Variants in KIFAP3 observed in about 807,000 individuals in gnomAD.
KIFAP3 encodes kinesin associated protein 3.
A neutral mutation model predicts 106.5 loss-of-function variants in KIFAP3; 68 were observed. The observed-to-expected ratio is 0.64, with a 90% CI of 0.53 to 0.78. KIFAP3 has a LOEUF of 0.78. KIFAP3 is among the 30% of genes least tolerant of loss of function. The pLI is 0.00. For missense variants in KIFAP3, 780 were observed against 941.8 expected, an observed-to-expected ratio of 0.83 and a Z score of 2.25; for synonymous variants, 320 against 311.5, an observed-to-expected ratio of 1.03 and a Z score of -0.29.
chr1:169,949,061 C>A (rs1480770119), intron 19 of KIFAP3, among the ~76,000 whole-genome samples: 1 of 151,290 alleles, frequency 6.6e-6, no homozygotes, highest in East Asian at 1.9e-4. Flanking sequence ...AAGATTATTT[C>A]TTATATTTTA....
chr1:170,043,812 G>T (rs2102076641), intron 3 of KIFAP3, among the ~76,000 whole-genome samples: 1 of 152,226 alleles, frequency 6.6e-6, no homozygotes, highest in East Asian at 1.9e-4. Context: ...GAAATTGAAT[G>T]AATAAAATGG....
chr1:170,024,688 G>C (rs550985730), intron 8 of KIFAP3, 92 bp from the exon 9 acceptor site: 2 of 693,658 alleles, frequency 2.9e-6, no homozygotes, highest in Non-Finnish European at 4.4e-6. Flanking sequence ...AACAGAGATA[G>C]CCCTAAAAAG....
chr1:170,039,162 G>T (rs933038460), intron 4 of KIFAP3, 71 bp downstream of exon 4: 1 of 812,832 alleles, frequency 1.2e-6, no homozygotes, highest in Non-Finnish European at 2.0e-6. Flanking sequence ...GTGATTGTGT[G>T]TATTATTGAT....
chr1:169,992,889 T>G (rs1351154792), intron 10 of KIFAP3, among the ~76,000 whole-genome samples: 1 of 152,106 alleles, frequency 6.6e-6, no homozygotes, highest in Non-Finnish European at 1.5e-5. Flanking sequence ...AATATATTAT[T>G]TAATCCTACC....
chr1:169,937,775 G>A (rs527863060), intron 19 of KIFAP3, among the ~76,000 whole-genome samples: 9 of 151,744 alleles, frequency 5.9e-5, no homozygotes, highest in East Asian at 3.9e-4. Flanking sequence ...AGATACAGCA[G>A]TAAAAATTCT....
At chr1:170,031,838 T>C (rs1341068645) in intron 8 of KIFAP3, 48 bp downstream of exon 8, 4 of 1,161,828 alleles carry the variant, frequency 3.4e-6, no homozygotes, top group East Asian at 4.7e-5. Context: ...AACAAATGTA[T>C]TTGGAGTAAG....
At chr1:169,988,455 G>C (rs1258122711) in intron 11 of KIFAP3, among the ~76,000 whole-genome samples, 2 of 151,660 alleles carry the variant, frequency 1.3e-5, no homozygotes, top group Non-Finnish European at 2.9e-5. Flanking sequence ...CAATACATGA[G>C]GATTTTTACC....
upstream of KIFAP3, chr1:170,074,780 C>G: frequency 8.2e-7 from 1 of 1,220,494 alleles, no homozygotes; most frequent in Non-Finnish European, 1.0e-6. Flanking sequence ...CAGAGTTTGA[C>G]GCACCGGGGA....
chr1:169,997,469 G>T (rs906025130), intron 10 of KIFAP3, among the ~76,000 whole-genome samples: 5 of 152,066 alleles, frequency 3.3e-5, no homozygotes, highest in Non-Finnish European at 7.4e-5. Flanking sequence ...AGTAAAGTAA[G>T]TTGGAGAGGC....
intron 11 of KIFAP3, among the ~76,000 whole-genome samples, chr1:169,989,453 C>T (rs573010080): frequency 9.2e-5 from 14 of 152,068 alleles, no homozygotes; most frequent in Non-Finnish European, 1.8e-4. Flanking sequence ...GAAGTTCTGA[C>T]TCTAAATGGA....
rs148586938 is a variant in KIFAP3 at position 169,999,409 on chromosome 1, C to G, written c.1184-7154G>C. On this transcript the variant is annotated intron_variant, in intron 10 of 19. Transcript: ENST00000361580. The stretch of plus-strand genomic sequence containing the variant: ...GACATCAATTATTCCCTAACGGCAT[C>G]CCAAGTAAAAACAGGCTGCCAACAG... Among the ~76,000 whole-genome samples the G allele has an allele frequency of 2.0e-5, 3 of 152,250 alleles. No individual in the cohort carries two copies. In the East Asian group the frequency reaches 5.8e-4, roughly 29 times the overall value.
chr1:170,044,604 A>T (rs1670148206), intron 3 of KIFAP3, among the ~76,000 whole-genome samples: 1 of 152,192 alleles, frequency 6.6e-6, no homozygotes, highest in South Asian at 2.1e-4. Flanking sequence ...GAAACAGTCT[A>T]ATTGGGGTCA....
At chr1:170,015,638 G>C (rs952919527) in intron 10 of KIFAP3, among the ~76,000 whole-genome samples, 2 of 152,128 alleles carry the variant, frequency 1.3e-5, no homozygotes, top group African/African-American at 4.8e-5. Context: ...GAAAAAAGCA[G>C]GTAAAACAGG....
At chr1:169,945,398 G>A (rs139453964) in intron 19 of KIFAP3, among the ~76,000 whole-genome samples, 3,872 of 152,236 alleles carry the variant, frequency 0.025, 98 homozygotes, top group South Asian at 0.092. Context: ...GGAGTGTGGG[G>A]CTCCTGGCCT....
At chr1:170,032,738 T>C (rs1669481182) in intron 7 of KIFAP3, among the ~76,000 whole-genome samples, 1 of 151,722 alleles carries the variant, frequency 6.6e-6, no homozygotes, top group Non-Finnish European at 1.5e-5. Flanking sequence ...TCTGATGTCA[T>C]TTTTATATCC....
At chr1:169,948,673 G>A (rs77225638) in intron 19 of KIFAP3, among the ~76,000 whole-genome samples, 4,533 of 151,840 alleles carry the variant, frequency 0.03, 108 homozygotes, top group Non-Finnish European at 0.049. Context: ...AATGAGTTTG[G>A]GTTATTAATT....
At chr1:169,931,560 C>A (rs148502767) in intron 19 of KIFAP3, among the ~76,000 whole-genome samples, 5 of 152,220 alleles carry the variant, frequency 3.3e-5, no homozygotes, top group African/African-American at 1.2e-4. Context: ...TTGAAATTGG[C>A]AGTTCTATAC....
At chr1:170,046,631 AC>A (rs2102087045) in intron 3 of KIFAP3, 80 bp downstream of exon 3, 2 of 1,173,830 alleles carry the variant, frequency 1.7e-6, no homozygotes, top group East Asian at 2.7e-5. Context: ...AGTTTGATAA[AC>A]TTTTTTTTAT....
At chr1:170,077,744 C>G (rs375437053), upstream of KIFAP3, among the ~76,000 whole-genome samples, 144 of 152,298 alleles carry the variant, frequency 9.5e-4, no homozygotes, top group African/African-American at 3.1e-3. Flanking sequence ...CTGGTAAATA[C>G]TGATCTGTTT....
Sources: gnomAD v4.1 joint callset for allele counts (sites outside exome capture counted in the v4.1 genomes callset) on GRCh38, gnomAD v4.1.1 for gene constraint, MANE v1.5 for transcripts, NCBI Gene and HGNC (gene_info 2026-07-23, HGNC 2026-07-21) for gene names.